Variants in DCC observed in about 807,000 individuals in gnomAD.
The protein encoded by DCC is netrin receptor DCC.
DCC carries 58 observed loss-of-function variants against 172.5 expected under a neutral mutation model. The observed-to-expected ratio is 0.34, with a 90% CI of 0.27 to 0.42. The LOEUF is 0.42. Ranked by LOEUF, DCC falls within the 10% of genes least tolerant of loss-of-function variation. The probability of loss-of-function intolerance (pLI) is 1.00; values close to 1 mark genes in which losing one functional copy is unlikely to be tolerated. For missense variants in DCC, 1,740 were observed against 1,791.0 expected, an observed-to-expected ratio of 0.97 and a Z score of 0.51; for synonymous variants, 709 against 644.5, an observed-to-expected ratio of 1.10 and a Z score of -1.52.
At chr18:53,291,336 G>A (rs185651964) in intron 12 of DCC, among the ~76,000 whole-genome samples, 42 of 152,064 alleles carry the variant, frequency 2.8e-4, no homozygotes, top group Non-Finnish European at 5.6e-4. Flanking sequence ...AATACCTTGC[G>A]ATCTCAGTGG....
At chr18:52,946,100 A>G (rs907843710) in intron 5 of DCC, among the ~76,000 whole-genome samples, 2 of 151,792 alleles carry the variant, frequency 1.3e-5, no homozygotes, top group African/African-American at 4.8e-5. Context: ...TATAGTCATC[A>G]CCTCTTCCAT....
At chr18:52,703,893 G>A (rs756637676) in intron 1 of DCC, among the ~76,000 whole-genome samples, 1 of 152,026 alleles carries the variant, frequency 6.6e-6, no homozygotes, top group Non-Finnish European at 1.5e-5. Context: ...ACAACATAGG[G>A]TCCAGGGATC....
intron 17 of DCC, among the ~76,000 whole-genome samples, chr18:53,393,635 T>TA (rs1313285321): frequency 1.3e-5 from 2 of 152,264 alleles, no homozygotes; most frequent in Non-Finnish European, 2.9e-5. Context: ...ACTTTGTAGA[T>TA]ACATTCATTT....
chr18:53,145,123 T>TC (rs2144360055), intron 7 of DCC, among the ~76,000 whole-genome samples: 1 of 136,848 alleles, frequency 7.3e-6, no homozygotes, highest in Non-Finnish European at 1.6e-5. Context: ...TTTTTTTTTT[T>TC]TTTTTTTTTG....
At chr18:53,005,726 T>C (rs1455414287) in intron 5 of DCC, among the ~76,000 whole-genome samples, 2 of 152,202 alleles carry the variant, frequency 1.3e-5, no homozygotes, top group East Asian at 1.9e-4. Context: ...AGATTCTGTC[T>C]CAAAAACAGA....
chr18:52,699,538 A>G (rs1364076715), intron 1 of DCC, among the ~76,000 whole-genome samples: 1 of 152,202 alleles, frequency 6.6e-6, no homozygotes, highest in Non-Finnish European at 1.5e-5. Flanking sequence ...CCATTCATGA[A>G]TATGTTAATC....
intron 15 of DCC, among the ~76,000 whole-genome samples, chr18:53,356,475 A>G (rs1219009843): frequency 2.0e-5 from 3 of 152,116 alleles, no homozygotes; most frequent in Admixed American, 2.0e-4. Flanking sequence ...AAATACATCA[A>G]CACCTTTTAG....
chr18:52,902,026 G>T (rs1886856327), intron 2 of DCC, among the ~76,000 whole-genome samples: 1 of 152,148 alleles, frequency 6.6e-6, no homozygotes, highest in African/African-American at 2.4e-5. Context: ...CCTAAAACAT[G>T]ACTAGAGATT....
chr18:53,047,013 C>T (rs1035962980), intron 5 of DCC, among the ~76,000 whole-genome samples: 12 of 151,230 alleles, frequency 7.9e-5, no homozygotes, highest in African/African-American at 2.7e-4. Flanking sequence ...TTGTTCTTTT[C>T]TCCACATGAT....
intron 3 of DCC, among the ~76,000 whole-genome samples, chr18:52,915,790 T>C (rs1392867502): frequency 6.6e-6 from 1 of 152,094 alleles, no homozygotes; most frequent in African/African-American, 2.4e-5. Context: ...AGAAGAAATA[T>C]ATTTATCAAT....
intron 1 of DCC, among the ~76,000 whole-genome samples, chr18:52,448,395 A>C: frequency 6.6e-6 from 1 of 152,228 alleles, no homozygotes; most frequent in East Asian, 1.9e-4. Flanking sequence ...TTTGGTGAAC[A>C]GAGCATACAT....
At chr18:53,169,004 A>G (rs1232886600) in intron 8 of DCC, among the ~76,000 whole-genome samples, 1 of 152,232 alleles carries the variant, frequency 6.6e-6, no homozygotes, top group Admixed American at 6.5e-5. Context: ...GCAAAATGCT[A>G]GAAAAAGCTA....
chr18:52,635,417 A>T (rs1429216154), intron 1 of DCC, among the ~76,000 whole-genome samples: 1 of 152,232 alleles, frequency 6.6e-6, no homozygotes, highest in Admixed American at 6.5e-5. Context: ...AAGGCATCAT[A>T]TTTGAATAGT....
intron 3 of DCC, among the ~76,000 whole-genome samples, chr18:52,920,274 C>T (rs1213011979): frequency 1.3e-5 from 2 of 151,708 alleles, no homozygotes; most frequent in African/African-American, 2.4e-5. Context: ...GAGTAAAAAA[C>T]AACCCACAGA....
At chr18:53,122,695 G>C (rs2043499910) in intron 7 of DCC, among the ~76,000 whole-genome samples, 2 of 152,042 alleles carry the variant, frequency 1.3e-5, no homozygotes, top group Non-Finnish European at 2.9e-5. Flanking sequence ...CTTGTGGTCT[G>C]ACCTGAAAGA....
chr18:53,328,852 A>G (rs2057498371), intron 14 of DCC, among the ~76,000 whole-genome samples: 1 of 152,170 alleles, frequency 6.6e-6, no homozygotes, highest in Admixed American at 6.5e-5. Context: ...TACAGGCATG[A>G]GCCACTGCAC....
At chr18:53,037,553 A>G (rs1231744652) in intron 5 of DCC, among the ~76,000 whole-genome samples, 1 of 151,996 alleles carries the variant, frequency 6.6e-6, no homozygotes, top group Non-Finnish European at 1.5e-5. Flanking sequence ...TTTGAGTAGA[A>G]GATCATAAAA....
At chr18:53,041,477 A>G (rs1051368451) in intron 5 of DCC, among the ~76,000 whole-genome samples, 2 of 152,176 alleles carry the variant, frequency 1.3e-5, no homozygotes, top group African/African-American at 4.8e-5. Flanking sequence ...CTTTTTTCTT[A>G]GGATTGTCTT....
chr18:52,828,633 C>T (rs181548519), intron 2 of DCC, among the ~76,000 whole-genome samples: 8 of 152,056 alleles, frequency 5.3e-5, no homozygotes, highest in Admixed American at 2.0e-4. Context: ...ATGGGGGCTT[C>T]GGCCAACAGA....
Sources: gnomAD v4.1 joint callset for allele counts (sites outside exome capture counted in the v4.1 genomes callset) on GRCh38, gnomAD v4.1.1 for gene constraint, MANE v1.5 for transcripts, NCBI Gene and HGNC (gene_info 2026-07-23, HGNC 2026-07-21) for gene names.